Variants in ADK observed in about 807,000 individuals in gnomAD.
ADK encodes adenosine kinase, also known as N6,N6-dimethyladenosine kinase.
ADK carries 24 observed loss-of-function variants against 44.7 expected under a neutral mutation model. That is an observed-to-expected ratio of 0.54 (90% CI 0.39 to 0.76). The LOEUF is 0.76. ADK is among the 30% of genes least tolerant of loss of function. The probability of loss-of-function intolerance (pLI) is 0.00; values close to 1 mark genes in which losing one functional copy is unlikely to be tolerated. For missense variants in ADK, 321 were observed against 425.1 expected (o/e 0.76, Z 2.15); for synonymous variants, 128 against 142.6 (o/e 0.90, Z 0.73).
intron 6 of ADK, among the ~76,000 whole-genome samples, chr10:74,399,074 C>T (rs1441518388): frequency 1.3e-5 from 2 of 151,810 alleles, no homozygotes; most frequent in Admixed American, 6.6e-5. Context: ...TCTCTTAAAT[C>T]TGGGAACAAG....
At chr10:74,154,467 C>T (rs144779126) in intron 1 of ADK, among the ~76,000 whole-genome samples, 4 of 152,112 alleles carry the variant, frequency 2.6e-5, no homozygotes, top group African/African-American at 9.6e-5. Context: ...CGGGATTTTG[C>T]CATGTTGGCT....
chr10:74,250,487 C>T (rs1028125733), intron 3 of ADK, among the ~76,000 whole-genome samples: 11 of 152,060 alleles, frequency 7.2e-5, no homozygotes, highest in African/African-American at 1.4e-4. Flanking sequence ...AGGTTCAGGC[C>T]GAATTGTGAA....
chr10:74,583,229 A>C (rs116209938), intron 7 of ADK, among the ~76,000 whole-genome samples: 2,030 of 152,282 alleles, frequency 0.013, 46 homozygotes, highest in African/African-American at 0.046. Flanking sequence ...GTTAAATTTC[A>C]GCATGACTTA....
chr10:74,601,936 A>AAT lies in ADK; in HGVS notation c.877+1443_877+1444insAT, dbSNP rs1554886702. On this transcript the variant is annotated intron_variant, in intron 9 of 10. Coordinates refer to ENST00000539909, the MANE Select transcript of ADK (RefSeq NM_006721.4). ...CAAGACTTCATCTCTACAAAAAAAAATGGAAAAAAAAAAAAAATTAGCTGA... is the reference window on the plus strand; with the variant it reads ...CAAGACTTCATCTCTACAAAAAAAAAATTGGAAAAAAAAAAAAAATTAGCTGA... 5.0e-3 allele frequency among the ~76,000 whole-genome samples: 713 copies of AAT among 143,220 alleles called. 15 individuals are homozygous for AAT. The highest frequency in any genetic ancestry group is 0.018 in the African/African-American group (660 of 37,448). 94.0% of individuals were successfully genotyped at this position (143,220 alleles called of 152,430 possible).
At chr10:74,316,059 G>A (rs903887588) in intron 4 of ADK, among the ~76,000 whole-genome samples, 1 of 152,022 alleles carries the variant, frequency 6.6e-6, no homozygotes, top group Non-Finnish European at 1.5e-5. Context: ...CCAACATGGT[G>A]AAACCCCGTC....
intron 10 of ADK, among the ~76,000 whole-genome samples, chr10:74,684,432 T>A (rs1380986830): frequency 6.6e-6 from 1 of 152,170 alleles, no homozygotes; most frequent in Admixed American, 6.6e-5. Context: ...AATGCATGAT[T>A]TTTTTTTCTG....
chr10:74,561,809 C>T (rs1238366174), intron 7 of ADK, among the ~76,000 whole-genome samples: 2 of 152,176 alleles, frequency 1.3e-5, no homozygotes, highest in Non-Finnish European at 2.9e-5. Flanking sequence ...AGGCTAGAAA[C>T]CCATGGGCAT....
intron 4 of ADK, among the ~76,000 whole-genome samples, chr10:74,343,196 C>T (rs1841643825): frequency 6.6e-6 from 1 of 151,960 alleles, no homozygotes; most frequent in African/African-American, 2.4e-5. Context: ...TGAAACAGTA[C>T]AGTTGACCCT....
At chr10:74,365,747 T>C (rs1399215105) in intron 4 of ADK, among the ~76,000 whole-genome samples, 1 of 152,212 alleles carries the variant, frequency 6.6e-6, no homozygotes, top group Non-Finnish European at 1.5e-5. Context: ...CTGGGTCATA[T>C]GGTAATTCTA....
At chr10:74,683,993 C>T (rs1001341934) in intron 10 of ADK, among the ~76,000 whole-genome samples, 1 of 152,162 alleles carries the variant, frequency 6.6e-6, no homozygotes, top group Non-Finnish European at 1.5e-5. Flanking sequence ...AAGCTGTAAA[C>T]GTGTTTACTC....
At chr10:74,551,452 TG>T (rs1192405456) in intron 7 of ADK, 1 of 152,662 alleles carries the variant, frequency 6.6e-6, no homozygotes, top group Admixed American at 6.5e-5. Context: ...CAGATTTCTT[TG>T]TTCCTTCTCC....
chr10:74,333,680 T>G (rs1371928643), intron 4 of ADK, among the ~76,000 whole-genome samples: 3 of 152,194 alleles, frequency 2.0e-5, no homozygotes, highest in African/African-American at 7.2e-5. Context: ...AATTTATTGT[T>G]TTGCAAATTT....
At chr10:74,696,949 G>C (rs1856230777) in intron 10 of ADK, among the ~76,000 whole-genome samples, 1 of 151,918 alleles carries the variant, frequency 6.6e-6, no homozygotes, top group Admixed American at 6.6e-5. Flanking sequence ...AAATTTATGT[G>C]GCTTAAAATC....
chr10:74,157,605 G>A (rs779320576), intron 1 of ADK, among the ~76,000 whole-genome samples: 6 of 151,988 alleles, frequency 3.9e-5, no homozygotes, highest in Non-Finnish European at 8.8e-5. Context: ...TGAGCTGGGC[G>A]TGATGGCTCA....
intron 6 of ADK, among the ~76,000 whole-genome samples, chr10:74,508,889 T>C (rs1848186701): frequency 1.3e-5 from 2 of 152,196 alleles, no homozygotes; most frequent in South Asian, 4.1e-4. Context: ...TTATAGCTTG[T>C]CTGATTTGAT....
chr10:74,412,393 G>A (rs1013805298), intron 6 of ADK, among the ~76,000 whole-genome samples: 3 of 151,998 alleles, frequency 2.0e-5, no homozygotes, highest in Admixed American at 6.6e-5. Context: ...CTCCCACTGC[G>A]GCCTCCCAAA....
intron 4 of ADK, among the ~76,000 whole-genome samples, chr10:74,379,712 A>G (rs908976312): frequency 2.6e-5 from 4 of 152,176 alleles, no homozygotes; most frequent in African/African-American, 9.7e-5. Flanking sequence ...TGCATGTTTC[A>G]CGTCTCAGTT....
At chr10:74,403,862 C>CT (rs1279662698) in intron 6 of ADK, among the ~76,000 whole-genome samples, 1 of 151,954 alleles carries the variant, frequency 6.6e-6, no homozygotes, top group African/African-American at 2.4e-5. Context: ...GTTCCTATTC[C>CT]TTTTTTTGTT....
chr10:74,390,617 AG>A (rs2132033951), intron 4 of ADK, among the ~76,000 whole-genome samples: 1 of 152,288 alleles, frequency 6.6e-6, no homozygotes, highest in African/African-American at 2.4e-5. Context: ...TGTGTGATCA[AG>A]ATTCCAGATG....
Sources: allele counts gnomAD v4.1 joint callset (sites outside exome capture counted in the v4.1 genomes callset), GRCh38; gene constraint gnomAD v4.1.1; transcripts MANE v1.5; gene names NCBI Gene and HGNC (gene_info 2026-07-23, HGNC 2026-07-21).